The following SOX5 variants were observed in gnomAD, a reference collection of about 807,000 sequenced individuals.
SOX5 encodes the protein transcription factor SOX-5.
Under a neutral mutation model 92.0 loss-of-function variants are expected in SOX5, and 9 were observed. The observed-to-expected ratio is 0.10, with a 90% CI of 0.06 to 0.17. SOX5 has a LOEUF of 0.17. Ranked by LOEUF, SOX5 falls within the 10% of genes least tolerant of loss-of-function variation. The probability of loss-of-function intolerance (pLI) is 1.00; values close to 1 mark genes in which losing one functional copy is unlikely to be tolerated. For synonymous variants in SOX5, 344 were observed against 336.3 expected (o/e 1.02, Z -0.25); for missense variants, 642 against 944.5 (o/e 0.68, Z 4.20).
At chr12:23,849,461 C>T (rs2096607858) in intron 2 of SOX5, among the ~76,000 whole-genome samples, 1 of 152,124 alleles carries the variant, frequency 6.6e-6, no homozygotes. Context: ...GAGACTGAAG[C>T]ACAGTATATG....
chr12:23,556,235 T>C (rs34526324), intron 11 of SOX5, among the ~76,000 whole-genome samples: 2,892 of 152,252 alleles, frequency 0.019, 36 homozygotes, highest in Non-Finnish European at 0.028. Flanking sequence ...AAAAAGCTGG[T>C]CTAGATTTTC....
intron 1 of SOX5, among the ~76,000 whole-genome samples, chr12:24,429,643 CACACACA>C (rs1216016173): frequency 6.6e-6 from 1 of 151,970 alleles, no homozygotes; most frequent in South Asian, 2.1e-4. Context: ...CACACACACA[CACACACA>C]CCCCATGAGC....
intron 2 of SOX5, among the ~76,000 whole-genome samples, chr12:24,325,909 C>T (rs1042133087): frequency 1.3e-5 from 2 of 151,984 alleles, no homozygotes; most frequent in Non-Finnish European, 2.9e-5. Context: ...CACGCGCGCG[C>T]GTGTGTGTGT....
At chr12:23,940,785 A>G in intron 1 of SOX5, among the ~76,000 whole-genome samples, 1 of 96,830 alleles carries the variant, frequency 1.0e-5, no homozygotes, top group South Asian at 3.2e-4. Context: ...CACACACACA[A>G]ACTCATTCAT....
intron 3 of SOX5, among the ~76,000 whole-genome samples, chr12:23,760,876 G>C (rs1185827111): frequency 1.3e-5 from 2 of 152,194 alleles, no homozygotes; most frequent in South Asian, 2.1e-4. Context: ...TGTTTATGTA[G>C]GTTTTTTTCC....
At position 23,533,364 on chromosome 12, in the gene SOX5, A is replaced by AAGTC. The variant is rs1341002624; in HGVS notation, c.*851_*854dup. The AAGTC allele has an allele frequency of 4.2e-6, 1 of 239,940 alleles. No individual in the cohort carries two copies. Among genetic ancestry groups the AAGTC allele is most frequent in the Non-Finnish European group, 8.8e-6 (1 of 114,138 alleles). 14.9% of individuals were successfully genotyped at this position (239,940 alleles called of 1,614,324 possible). On this transcript the variant is annotated 3_prime_UTR_variant, in exon 15 of 15. Transcript: ENST00000451604. ...CACCTACAGTTTCCATTAAAAAAAA[A>AAGTC]AGTCAAATCTCACCAGCTGCTGGTA...
chr12:23,895,722 G>A, intron 2 of SOX5, 71 bp downstream of exon 2: 1 of 1,043,354 alleles, frequency 9.6e-7, no homozygotes. Context: ...GCAAAGGACT[G>A]AGGCCAAACT....
At chr12:23,547,022 C>T (rs987614458) in intron 11 of SOX5, among the ~76,000 whole-genome samples, 1 of 151,894 alleles carries the variant, frequency 6.6e-6, no homozygotes, top group African/African-American at 2.4e-5. Flanking sequence ...ATTGCTAAGC[C>T]AAAATATTGA....
In SOX5 at chr12:24,331,873, A is replaced by AAAAT. The variant is rs777785887; in HGVS notation, c.-174+36689_-174+36690insATTT. ...CAAAAAAAAAAAAAAAAAAAAAAAA[A>AAAAT]AAGGAAAGAAATTTAAAATACAATC... On this transcript the variant is annotated intron_variant, in intron 2 of 4. Coordinates refer to the SOX5 transcript ENST00000446891. Among the ~76,000 whole-genome samples the AAAAT allele has an allele frequency of 5.8e-3, 825 of 141,304 alleles. 22 individuals are homozygous for AAAAT. The highest frequency in any genetic ancestry group is 0.017 in the South Asian group (76 of 4,490). The allele number at this position is 141,304 out of a possible 152,430, so 92.7% of individuals were successfully genotyped here.
At chr12:23,950,850 C>G (rs552744286), upstream of SOX5, 17 of 1,534,404 alleles carry the variant, frequency 1.1e-5, no homozygotes, top group African/African-American at 5.5e-5. Flanking sequence ...CACATACACA[C>G]AGAGAGAGAG....
intron 4 of SOX5, among the ~76,000 whole-genome samples, chr12:23,994,265 C>G (rs1270512202): frequency 6.6e-6 from 1 of 151,766 alleles, no homozygotes; most frequent in Non-Finnish European, 1.5e-5. Flanking sequence ...AGAAATAGAG[C>G]AAAAATGAAG....
intron 1 of SOX5, among the ~76,000 whole-genome samples, chr12:24,424,783 CTCTTT>C (rs1237744441): frequency 2.2e-5 from 3 of 138,686 alleles, no homozygotes; most frequent in African/African-American, 5.4e-5. Flanking sequence ...ATGATCTGGG[CTCTTT>C]TCTTTGTGAG....
chr12:23,564,172 C>A (rs1402756759), intron 10 of SOX5, among the ~76,000 whole-genome samples: 1 of 152,094 alleles, frequency 6.6e-6, no homozygotes, highest in East Asian at 1.9e-4. Context: ...TACACACTAC[C>A]AAAATATTGC....
At chr12:23,837,251 TTA>T (rs1266056538) in intron 3 of SOX5, among the ~76,000 whole-genome samples, 1 of 75,654 alleles carries the variant, frequency 1.3e-5, no homozygotes, top group African/African-American at 3.6e-5. Flanking sequence ...TAATATATAT[TTA>T]TATTTATATA....
At position 23,802,494 on chromosome 12, in the gene SOX5, A is replaced by AT. The variant is rs11313604; in HGVS notation, c.481+43488dup. ...AATACTAGCCATCCCATTCGTTGTA[A>AT]TTTTTTTTTTTAACCAATTTTGGAG... On this transcript the variant is annotated intron_variant, in intron 3 of 14. Transcript: ENST00000451604. 3.6e-3 allele frequency among the ~76,000 whole-genome samples: 532 copies of AT among 148,530 alleles called. 8 individuals carry two copies. The highest frequency in any genetic ancestry group is 0.011 in the African/African-American group (457 of 40,658).
intron 1 of SOX5, among the ~76,000 whole-genome samples, chr12:24,452,881 A>G (rs1942514834): frequency 6.6e-6 from 1 of 152,178 alleles, no homozygotes; most frequent in Admixed American, 6.5e-5. Context: ...CCTTTGATTT[A>G]TGAGAACATT....
At position 23,813,371 on chromosome 12, in the gene SOX5, G is replaced by A. The variant is rs192340193; in HGVS notation, c.481+32612C>T. Among the ~76,000 whole-genome samples the A allele has an allele frequency of 3.9e-5, 6 of 152,156 alleles. No homozygotes were observed. In the East Asian group the frequency reaches 1.2e-3, roughly 30 times the overall value. Reference sequence around the variant, plus strand: ...TCCCACGCACATAACTAAACCAGCAGCCATCTGTCTCAGCTTGGGGAAAGC... The same window carrying A: ...TCCCACGCACATAACTAAACCAGCAACCATCTGTCTCAGCTTGGGGAAAGC... On this transcript the variant is annotated intron_variant, in intron 3 of 14. Coordinates refer to ENST00000451604, the MANE Select transcript of SOX5 (RefSeq NM_006940.6).
chr12:24,200,804 G>GT (rs1349837963), intron 4 of SOX5, among the ~76,000 whole-genome samples: 1 of 152,126 alleles, frequency 6.6e-6, no homozygotes, highest in African/African-American at 2.4e-5. Context: ...TTCCACACAG[G>GT]TAAGATAATT....
At chr12:23,636,044 G>A (rs1348620246) in intron 8 of SOX5, among the ~76,000 whole-genome samples, 1 of 152,038 alleles carries the variant, frequency 6.6e-6, no homozygotes, top group Non-Finnish European at 1.5e-5. Context: ...GTTCCATTTT[G>A]GACTCAGTTT....
Sources: allele counts gnomAD v4.1 joint callset (sites outside exome capture counted in the v4.1 genomes callset), GRCh38; gene constraint gnomAD v4.1.1; transcripts MANE v1.5; gene names NCBI Gene and HGNC (gene_info 2026-07-23, HGNC 2026-07-21).